Variants in TYMS observed in about 807,000 individuals in gnomAD.
TYMS encodes the protein thymidylate synthase.
A neutral mutation model predicts 39.3 loss-of-function variants in TYMS; 21 were observed. The ratio of observed to expected loss-of-function variants is 0.54; its 90% CI spans 0.38 to 0.77. TYMS has a LOEUF of 0.77. TYMS is among the 30% of genes least tolerant of loss of function. The pLI, the probability that TYMS is intolerant of heterozygous loss-of-function variation, is 0.00. For missense variants in TYMS, 273 were observed against 406.7 expected, an observed-to-expected ratio of 0.67 and a Z score of 2.83; for synonymous variants, 171 against 162.2, an observed-to-expected ratio of 1.05 and a Z score of -0.41.
At position 658,284 on chromosome 18, in the gene TYMS, A is replaced by T; in HGVS notation, c.205+337A>T. 7.0e-7 allele frequency: 1 copy of T among 1,423,074 alleles called. No homozygotes were observed. Among genetic ancestry groups the T allele is most frequent in the Non-Finnish European group, 9.4e-7 (1 of 1,065,278 alleles). The allele number at this position is 1,423,074 out of a possible 1,614,324, so 88.2% of individuals were successfully genotyped here. ...TGCCCAGTGCTGGAGGGTTAGGGAG[A>T]GCTGCCTGGGCTTGACCGCGCGCCG... On this transcript the variant is annotated intron_variant, in intron 1 of 6. Transcript: ENST00000323274. This position sits in a 1 kb window ranked among gnomAD's most constrained non-coding sequence, Gnocchi z 4.5.
At chr18:671,571 C>T (rs1598481573) in intron 6 of TYMS, 120 bp downstream of exon 6, 1 of 754,192 alleles carries the variant, frequency 1.3e-6, no homozygotes, top group Non-Finnish European at 2.3e-6. Context: ...AAATGTGGGG[C>T]TTCAGTTTAG....
chr18:665,750 T>C (rs2074805909), intron 3 of TYMS, among the ~76,000 whole-genome samples: 1 of 97,720 alleles, frequency 1.0e-5, no homozygotes, highest in South Asian at 3.3e-4. Context: ...ACATCTTTAT[T>C]TCTGCCTTCA....
At position 667,617 on chromosome 18, in the gene TYMS, G is replaced by GGCGATGGCGATGGCGATGGAGATGGAGAT. The variant is rs201838394; in HGVS notation, c.455-1454_455-1453insCGATGGCGATGGCGATGGAGATGGAGATG. The GGCGATGGCGATGGCGATGGAGATGGAGAT allele has an allele frequency of 8.6e-5, 4 of 46,656 alleles. 1 individual carries two copies. The highest frequency in any genetic ancestry group is 5.5e-4 in the African/African-American group (4 of 7,284). 2.9% of individuals were successfully genotyped at this position (46,656 alleles called of 1,614,324 possible). A position where few individuals can be genotyped will look rare whatever the true frequency, so the allele number is the denominator to read the frequency against. ...TGGTGATGGTGATGGTGATGGAGAT[G>GGCGATGGCGATGGCGATGGAGATGGAGAT]GGTGATGGTGATGGTTGCCTAACAT... On this transcript the variant is annotated intron_variant, in intron 3 of 6. Coordinates refer to ENST00000323274, the MANE Select transcript of TYMS (RefSeq NM_001071.4).
Position 667,370 on chromosome 18 carries a change from T to A in TYMS, c.455-1702T>A, listed in dbSNP as rs867955834. ...GAGATGGTGATGGTGATGGAGATGG[T>A]GATGGTGATGGTGATGGTGATGGAG... On this transcript the variant is annotated intron_variant, in intron 3 of 6. Transcript: ENST00000323274. Among the ~76,000 whole-genome samples the A allele has an allele frequency of 5.7e-3, 83 of 14,658 alleles. 5 individuals carry two copies. The highest frequency in any genetic ancestry group is 0.031 in the East Asian group (4 of 130). The allele number at this position is 14,658 out of a possible 152,430, so 9.6% of individuals were successfully genotyped here. A position where few individuals can be genotyped will look rare whatever the true frequency, so the allele number is the denominator to read the frequency against.
chr18:670,357 G>A (rs921965815), intron 4 of TYMS: 13 of 224,434 alleles, frequency 5.8e-5, no homozygotes, highest in Non-Finnish European at 1.1e-4. Flanking sequence ...ATAGGAGGGT[G>A]TACCAGAAGC....
chr18:673,094 T>G lies in TYMS; in HGVS notation c.*97T>G. 1 of 1,336,704 alleles carries G rather than the reference T, an allele frequency of 7.5e-7. No homozygotes were observed. The highest frequency in any genetic ancestry group is 1.0e-6 in the Non-Finnish European group (1 of 1,000,260). The allele number at this position is 1,336,704 out of a possible 1,614,324, so 82.8% of individuals were successfully genotyped here. A position where few individuals can be genotyped will look rare whatever the true frequency, so the allele number is the denominator to read the frequency against. On this transcript the variant is annotated 3_prime_UTR_variant, in exon 7 of 7. Transcript: ENST00000323274. ...TTTTTGCTCTAAAAGAAAAAGGAACTAGGTCAAAAATCTGTCCGTGACCTA... is the reference window on the plus strand; with the variant it reads ...TTTTTGCTCTAAAAGAAAAAGGAACGAGGTCAAAAATCTGTCCGTGACCTA...
Position 660,691 on chromosome 18 carries a change from G to T in TYMS, c.279+977G>T, listed in dbSNP as rs542368816. Among the ~76,000 whole-genome samples, 102 of 152,356 alleles carry T rather than the reference G, an allele frequency of 6.7e-4. No homozygotes were observed. Among genetic ancestry groups the T allele is most frequent in the African/African-American group, 2.3e-3 (97 of 41,590 alleles). On this transcript the variant is annotated intron_variant, in intron 2 of 6. Transcript: ENST00000323274. The surrounding 1 kb of genome is among the most constrained non-coding windows in gnomAD (Gnocchi z 4.6). ...AGGTACCTCAGGCCGGGGCCAGAGT[G>T]CTGTGAAGACAGGCAGCAGCCCAGA...
At position 658,091 on chromosome 18, in the gene TYMS, C is replaced by T. The variant is rs2074710003; in HGVS notation, c.205+144C>T. ...GGGAGGGGACGCATCGTCCTCCTCGCCTTACAGACGCCGAAACGGAGGGTC... is the reference window on the plus strand; with the variant it reads ...GGGAGGGGACGCATCGTCCTCCTCGTCTTACAGACGCCGAAACGGAGGGTC... On this transcript the variant is annotated intron_variant, in intron 1 of 6. Coordinates refer to ENST00000323274, the MANE Select transcript of TYMS (RefSeq NM_001071.4). The surrounding 1 kb of genome is among the most constrained non-coding windows in gnomAD (Gnocchi z 4.5). 2 of 1,582,594 alleles carry T rather than the reference C, an allele frequency of 1.3e-6. No individual in the cohort carries two copies. Among genetic ancestry groups the T allele is most frequent in the Non-Finnish European group, 1.7e-6 (2 of 1,167,946 alleles).
At chr18:669,629 C>T (rs2074946529) in intron 4 of TYMS, among the ~76,000 whole-genome samples, 1 of 152,044 alleles carries the variant, frequency 6.6e-6, no homozygotes, top group Admixed American at 6.6e-5. Flanking sequence ...GCCTCAGCCT[C>T]CCAACCAGAT....
chr18:659,320 A>G (rs536409631), intron 1 of TYMS, among the ~76,000 whole-genome samples: 1 of 152,226 alleles, frequency 6.6e-6, no homozygotes, highest in East Asian at 1.9e-4. Context: ...CCTTTGTGAC[A>G]GGATTAGCAC....
Position 659,696 on chromosome 18 carries a change from G to A in TYMS, c.261G>A (p.Glu87=). The change falls in exon 2 of 7, where the codon GAG becomes GAA. Residue 87 remains glutamate (E), a synonymous_variant. Coordinates refer to ENST00000323274, the MANE Select transcript of TYMS (RefSeq NM_001071.4). The part of the protein sequence containing the change: ...KRVFWKGVLE[E]LLWFIKGSTN... ...TGTTCTGGAAGGGTGTTTTGGAGGA[G>A]TTGCTGTGGTTTATCAAGGTAAAGA... is the stretch of plus-strand genomic sequence containing the variant. The A allele has an allele frequency of 6.2e-7, 1 of 1,614,142 alleles. No individual in the cohort carries two copies.
At chr18:671,782 TTTC>T (rs1349806103) in intron 6 of TYMS, 2 of 240,796 alleles carry the variant, frequency 8.3e-6, no homozygotes, top group Non-Finnish European at 7.1e-6. Flanking sequence ...TGTTTTTCCT[TTTC>T]TTTTTTTTTT....
intron 3 of TYMS, among the ~76,000 whole-genome samples, chr18:667,191 AGATGGT>A (rs1310449953): frequency 1.4e-3 from 58 of 40,004 alleles, no homozygotes; most frequent in East Asian, 6.2e-3. Flanking sequence ...ATGGTGATGG[AGATGGT>A]GATGGTGATG....
intron 5 of TYMS, 22 bp from the exon 6 acceptor site, chr18:671,358 G>A: frequency 6.6e-7 from 1 of 1,521,172 alleles, no homozygotes; most frequent in Non-Finnish European, 9.1e-7. Context: ...ATACTGTTCT[G>A]CTTTCTCCCC....
At position 657,923 on chromosome 18, in the gene TYMS, A is replaced by C. The variant is rs1013467217; in HGVS notation, c.181A>C (p.Met61Leu). 3 of 1,509,706 alleles carry C rather than the reference A, an allele frequency of 2.0e-6. No individual in the cohort carries two copies. The highest frequency in any genetic ancestry group is 2.8e-5 in the African/African-American group (2 of 71,032). The allele number at this position is 1,509,706 out of a possible 1,614,324, so 93.5% of individuals were successfully genotyped here. A position where few individuals can be genotyped will look rare whatever the true frequency, so the allele number is the denominator to read the frequency against. ...CACCGGCACCCTGTCGGTATTCGGCATGCAGGCGCGCTACAGCCTGAGAGG... is the reference window on the plus strand; with the variant it reads ...CACCGGCACCCTGTCGGTATTCGGCCTGCAGGCGCGCTACAGCCTGAGAGG... The part of the protein sequence containing the change: ...TGTGTLSVFG[M>L]QARYSLRDEF... The change falls in exon 1 of 7, where the codon ATG (methionine) becomes CTG (leucine). Residue 61 changes from methionine to leucine, a missense_variant. Met to Leu is a conservative substitution (Grantham distance 15). Around this residue, in one of 3 missense-constraint regions of TYMS, gnomAD observed 228 missense variants for 326.1 expected, o/e 0.70. Transcript: ENST00000323274.
chr18:665,452 T>G (rs2074801380), intron 3 of TYMS, among the ~76,000 whole-genome samples: 1 of 150,300 alleles, frequency 6.7e-6, no homozygotes, highest in South Asian at 2.1e-4. Flanking sequence ...TTGTTGATCC[T>G]TTCAAAAAAC....
At chr18:667,231 G>GGT in intron 3 of TYMS, among the ~76,000 whole-genome samples, 1 of 33,290 alleles carries the variant, frequency 3.0e-5, no homozygotes, top group Non-Finnish European at 5.3e-5. Context: ...TGATGGTGAT[G>GGT]GAGATGGAGA....
Position 671,409 on chromosome 18 carries a change from T to C in TYMS, c.762T>C (p.Asp254=), listed in dbSNP as rs563523034. 6 of 1,613,270 alleles carry C rather than the reference T, an allele frequency of 3.7e-6. No individual in the cohort carries two copies. In the South Asian group the frequency reaches 5.5e-5, roughly 15 times the overall value. The change falls in exon 6 of 7, where the codon GAT becomes GAC. Residue 254 remains aspartate (D), a synonymous_variant. Transcript: ENST00000323274. ...GTGACTTTATACACACTTTGGGAGA[T>C]GCACATATTTACCTGAATCACATCG... is the stretch of plus-strand genomic sequence containing the variant. ...KPGDFIHTLG[D]AHIYLNHIEP... is the part of the protein sequence containing the mutation.
rs1208490540 is a variant in TYMS at position 662,436 on chromosome 18, G to C, written c.454+116G>C. On this transcript the variant is annotated intron_variant, in intron 3 of 6. Transcript: ENST00000323274. ...TCAATGTCACAGGAGCTGATGTATA[G>C]CTTTGACCTTGTGAGGGGTGGTGCC... 6 of 949,488 alleles carry C rather than the reference G, an allele frequency of 6.3e-6. 1 individual carries two copies. In the African/African-American group the frequency reaches 1.0e-4, roughly 16 times the overall value. 58.8% of individuals were successfully genotyped at this position (949,488 alleles called of 1,614,324 possible).
Sources: gnomAD v4.1 joint callset for allele counts (sites outside exome capture counted in the v4.1 genomes callset) on GRCh38, gnomAD v4.1.1 for gene constraint, gnomAD v4.1.1 regional missense constraint, Gnocchi (gnomAD v3.1) non-coding constraint, MANE v1.5 for transcripts, NCBI Gene and HGNC (gene_info 2026-07-23, HGNC 2026-07-21) for gene names.